The following PTPN9 variants were observed in gnomAD, a reference collection of about 807,000 sequenced individuals.
PTPN9 encodes tyrosine-protein phosphatase non-receptor type 9.
Under a neutral mutation model 69.8 loss-of-function variants are expected in PTPN9, and 26 were observed. The ratio of observed to expected loss-of-function variants is 0.37; its 90% CI spans 0.27 to 0.52. The LOEUF (loss-of-function observed/expected upper bound fraction) is 0.52, where lower values mean the gene tolerates loss of function less well. PTPN9 is among the 20% of genes least tolerant of loss of function. PTPN9 has a pLI of 0.91. For synonymous variants in PTPN9, 274 were observed against 272.5 expected (o/e 1.01, Z -0.05); for missense variants, 549 against 740.3 (o/e 0.74, Z 3.00).
At chr15:75,550,571 T>C (rs2075052961) in intron 1 of PTPN9, among the ~76,000 whole-genome samples, 1 of 151,568 alleles carries the variant, frequency 6.6e-6, no homozygotes. Flanking sequence ...ACGGATCATT[T>C]GAGGTCAGGA....
intron 1 of PTPN9, among the ~76,000 whole-genome samples, chr15:75,567,696 C>G (rs2075132133): frequency 6.6e-6 from 1 of 152,026 alleles, no homozygotes; most frequent in Non-Finnish European, 1.5e-5. Context: ...CGGCCTTTCC[C>G]AAAGGAAAAA....
chr15:75,506,108 T>G, intron 6 of PTPN9, 105 bp from the exon 7 acceptor site: 1 of 896,194 alleles, frequency 1.1e-6, no homozygotes, highest in South Asian at 1.7e-5. Context: ...TGGGATAAGA[T>G]TTTCTTGAAA....
At chr15:75,508,039 CAAAAAAAAAAAAAA>C (rs990909256) in intron 6 of PTPN9, among the ~76,000 whole-genome samples, 1 of 37,380 alleles carries the variant, frequency 2.7e-5, no homozygotes, top group South Asian at 9.7e-4. Flanking sequence ...GAGACACTCT[CAAAAAAAAAAAAAA>C]AAAAAAAAAA....
chr15:75,555,378 G>A (rs902310453), intron 1 of PTPN9, among the ~76,000 whole-genome samples: 1 of 152,078 alleles, frequency 6.6e-6, no homozygotes, highest in African/African-American at 2.4e-5. Context: ...GTCAGACTTT[G>A]AGTATGCATT....
chr15:75,507,947 G>A lies in PTPN9; in HGVS notation c.639+970C>T, dbSNP rs186528286. On this transcript the variant is annotated intron_variant, in intron 6 of 12. Coordinates refer to ENST00000618819, the MANE Select transcript of PTPN9 (RefSeq NM_002833.4). ...ACTCCCAGCTACTCAGGAGGCTGAGGCAGAAGAATCGCTTGAACTCAGGAG... is the reference window on the plus strand; with the variant it reads ...ACTCCCAGCTACTCAGGAGGCTGAGACAGAAGAATCGCTTGAACTCAGGAG... Among the ~76,000 whole-genome samples, 266 of 148,924 alleles carry A rather than the reference G, an allele frequency of 1.8e-3. 1 individual carries two copies. Among genetic ancestry groups the A allele is most frequent in the Non-Finnish European group, 2.8e-3 (193 of 67,732 alleles).
chr15:75,564,020 T>C (rs1018632309), intron 1 of PTPN9, among the ~76,000 whole-genome samples: 16 of 151,774 alleles, frequency 1.1e-4, no homozygotes, highest in African/African-American at 3.6e-4. Context: ...CTCAGAAACA[T>C]TTGGAGGTAT....
At chr15:75,505,147 G>T (rs551199276) in intron 7 of PTPN9, among the ~76,000 whole-genome samples, 40 of 151,542 alleles carry the variant, frequency 2.6e-4, no homozygotes, top group East Asian at 3.9e-4. Flanking sequence ...CCTGTTGATC[G>T]GTGACCTTAC....
At chr15:75,538,114 T>G (rs1218105828) in intron 1 of PTPN9, among the ~76,000 whole-genome samples, 1 of 151,930 alleles carries the variant, frequency 6.6e-6, no homozygotes, top group East Asian at 1.9e-4. Flanking sequence ...ACAGTAAAGA[T>G]AGCTCTCACA....
At chr15:75,513,004 T>G (rs2141314987) in intron 5 of PTPN9, 1 of 403,424 alleles carries the variant, frequency 2.5e-6, no homozygotes, top group South Asian at 2.0e-5. Flanking sequence ...GCTTTTCTGT[T>G]AATCCCTTGA....
intron 5 of PTPN9, among the ~76,000 whole-genome samples, chr15:75,516,145 T>G (rs1273596729): frequency 1.3e-5 from 2 of 152,124 alleles, no homozygotes; most frequent in South Asian, 2.1e-4. Context: ...AACAGCACCA[T>G]TCATAACACA....
At chr15:75,522,710 C>A (rs2074910729) in intron 4 of PTPN9, among the ~76,000 whole-genome samples, 2 of 152,090 alleles carry the variant, frequency 1.3e-5, no homozygotes, top group Admixed American at 6.6e-5. Flanking sequence ...CAGCCCTCCC[C>A]TGAATGTTGA....
intron 9 of PTPN9, among the ~76,000 whole-genome samples, chr15:75,475,298 G>A (rs549723036): frequency 4.6e-5 from 7 of 152,264 alleles, no homozygotes; most frequent in Non-Finnish European, 7.3e-5. Context: ...GACAGTAACC[G>A]GCCGGGCGCA....
At chr15:75,528,917 G>T (rs187013064) in intron 1 of PTPN9, among the ~76,000 whole-genome samples, 2 of 151,686 alleles carry the variant, frequency 1.3e-5, no homozygotes, top group East Asian at 3.9e-4. Context: ...GGCCAGGCTG[G>T]TCTTGAACTC....
At chr15:75,568,519 A>G (rs576297336) in intron 1 of PTPN9, among the ~76,000 whole-genome samples, 10 of 145,366 alleles carry the variant, frequency 6.9e-5, no homozygotes, top group Non-Finnish European at 1.5e-4. Flanking sequence ...AAAAAAAAAA[A>G]AAAAACAAAA....
intron 5 of PTPN9, chr15:75,513,521 C>T: frequency 1.5e-5 from 6 of 408,476 alleles, no homozygotes; most frequent in South Asian, 1.1e-4. Context: ...AATCCCAGGA[C>T]TTTGAGAGGC....
At chr15:75,499,975 C>T (rs1353926092) in intron 7 of PTPN9, among the ~76,000 whole-genome samples, 1 of 151,822 alleles carries the variant, frequency 6.6e-6, no homozygotes, top group Non-Finnish European at 1.5e-5. Flanking sequence ...GTCAGGAGTT[C>T]GAGATCAGCC....
intron 8 of PTPN9, chr15:75,480,834 G>A: frequency 8.5e-6 from 3 of 353,610 alleles, no homozygotes; most frequent in South Asian, 8.3e-5. Flanking sequence ...AGGGCAAGGA[G>A]CAGCCGCCTG....
intron 2 of PTPN9, among the ~76,000 whole-genome samples, chr15:75,526,030 C>T (rs1208701524): frequency 6.6e-6 from 1 of 150,614 alleles, no homozygotes; most frequent in Non-Finnish European, 1.5e-5. Context: ...CAGTCTCACT[C>T]TGTTGCCCAG....
intron 2 of PTPN9, among the ~76,000 whole-genome samples, chr15:75,524,777 CAAAAAAAAAAA>C (rs10699634): frequency 0.21 from 15,397 of 73,524 alleles, 1,272 homozygotes; most frequent in Non-Finnish European, 0.25. Flanking sequence ...GACTCTGTCT[CAAAAAAAAAAA>C]AAAAAAAAAA....
Sources: allele counts gnomAD v4.1 joint callset (sites outside exome capture counted in the v4.1 genomes callset), GRCh38; gene constraint gnomAD v4.1.1; transcripts MANE v1.5; gene names NCBI Gene and HGNC (gene_info 2026-07-23, HGNC 2026-07-21).